The following RALYL variants were observed in gnomAD, a reference collection of about 807,000 sequenced individuals.
RALYL encodes the protein RNA-binding Raly-like protein.
Under a neutral mutation model 35.1 loss-of-function variants are expected in RALYL, and 29 were observed. The ratio of observed to expected loss-of-function variants is 0.83; its 90% CI spans 0.61 to 1.13. RALYL has a LOEUF of 1.13. Ranked by LOEUF, RALYL falls within the 50% of genes most tolerant of loss-of-function variation. The pLI is 0.00. For synonymous variants in RALYL, 120 were observed against 127.6 expected, an observed-to-expected ratio of 0.94 and a Z score of 0.40; for missense variants, 359 against 360.4, an observed-to-expected ratio of 1.00 and a Z score of 0.03.
At chr8:84,697,363 G>T (rs1272073240) in intron 2 of RALYL, among the ~76,000 whole-genome samples, 1 of 151,862 alleles carries the variant, frequency 6.6e-6, no homozygotes. Flanking sequence ...AAAATTGTTT[G>T]GTTATGTGTG....
intron 6 of RALYL, among the ~76,000 whole-genome samples, chr8:84,866,967 G>A (rs1423797972): frequency 6.6e-6 from 1 of 152,146 alleles, no homozygotes; most frequent in South Asian, 2.1e-4. Context: ...GGCGAGGGCT[G>A]CCATAACAAA....
chr8:84,914,624 C>T (rs1426820445), intron 8 of RALYL, among the ~76,000 whole-genome samples: 2 of 151,878 alleles, frequency 1.3e-5, no homozygotes, highest in South Asian at 2.1e-4. Context: ...ATGTAACTCA[C>T]GATAATTTTA....
intron 2 of RALYL, among the ~76,000 whole-genome samples, chr8:84,547,429 T>G (rs1588113982): frequency 6.6e-6 from 1 of 152,024 alleles, no homozygotes; most frequent in East Asian, 1.9e-4. Context: ...CAGGCTGGAG[T>G]GCAGTGATGC....
chr8:84,512,080 A>G (rs711041), intron 1 of RALYL, among the ~76,000 whole-genome samples: 82,800 of 151,908 alleles, frequency 0.55, 22,699 homozygotes, highest in East Asian at 0.66. Context: ...GCTGGATCAT[A>G]TGGTCATTCT....
At chr8:84,733,444 A>G (rs1846620157) in intron 2 of RALYL, among the ~76,000 whole-genome samples, 1 of 152,178 alleles carries the variant, frequency 6.6e-6, no homozygotes, top group Non-Finnish European at 1.5e-5. Flanking sequence ...TACCTCATCA[A>G]GGAGAGTTGG....
chr8:84,474,731 A>G (rs1473373129), intron 1 of RALYL, among the ~76,000 whole-genome samples: 1 of 152,208 alleles, frequency 6.6e-6, no homozygotes, highest in Non-Finnish European at 1.5e-5. Context: ...TTTTCTGCTA[A>G]GAAACTTGGA....
At chr8:84,305,684 C>G (rs1466382688) in intron 1 of RALYL, among the ~76,000 whole-genome samples, 1 of 152,074 alleles carries the variant, frequency 6.6e-6, no homozygotes, top group Non-Finnish European at 1.5e-5. Context: ...GGTCTCATCC[C>G]CTATCTTCCC....
At chr8:84,319,764 C>A (rs1291617449) in intron 1 of RALYL, among the ~76,000 whole-genome samples, 1 of 152,030 alleles carries the variant, frequency 6.6e-6, no homozygotes, top group African/African-American at 2.4e-5. Flanking sequence ...GAAAGCAATA[C>A]TTTTTCTCTC....
At chr8:84,397,475 G>A (rs950257115) in intron 1 of RALYL, among the ~76,000 whole-genome samples, 1 of 152,114 alleles carries the variant, frequency 6.6e-6, no homozygotes, top group African/African-American at 2.4e-5. Flanking sequence ...TTAGCTATTA[G>A]AGCAGAGTGT....
intron 4 of RALYL, among the ~76,000 whole-genome samples, chr8:84,836,783 G>C (rs1046381464): frequency 2.6e-4 from 40 of 152,230 alleles, no homozygotes; most frequent in African/African-American, 9.4e-4. Context: ...CCTTATCCAC[G>C]GGGAAGTATG....
chr8:84,802,098 T>G (rs1361624263), intron 3 of RALYL, among the ~76,000 whole-genome samples: 1 of 152,206 alleles, frequency 6.6e-6, no homozygotes, highest in Non-Finnish European at 1.5e-5. Context: ...ACATGCAGTC[T>G]GCTCTGCCAC....
At chr8:84,210,569 C>A (rs542324105) in intron 1 of RALYL, among the ~76,000 whole-genome samples, 3 of 152,078 alleles carry the variant, frequency 2.0e-5, no homozygotes, top group African/African-American at 7.2e-5. Flanking sequence ...AAGTATAAAT[C>A]GCCTGCTCTT....
intron 1 of RALYL, among the ~76,000 whole-genome samples, chr8:84,232,653 A>G (rs1343779449): frequency 6.6e-6 from 1 of 152,166 alleles, no homozygotes; most frequent in Non-Finnish European, 1.5e-5. Flanking sequence ...CTGACTAACT[A>G]GATTTAGTCA....
intron 2 of RALYL, among the ~76,000 whole-genome samples, chr8:84,563,044 A>G (rs2061564219): frequency 6.6e-6 from 1 of 151,884 alleles, no homozygotes; most frequent in South Asian, 2.1e-4. Context: ...TCCTAGGAGT[A>G]CCTGATGACC....
At chr8:84,578,645 A>C (rs1325757710) in intron 2 of RALYL, among the ~76,000 whole-genome samples, 1 of 152,080 alleles carries the variant, frequency 6.6e-6, no homozygotes, top group Non-Finnish European at 1.5e-5. Context: ...AGGAGACCCA[A>C]AGTGGGTAGC....
At chr8:84,818,112 G>A (rs1827769980) in intron 4 of RALYL, among the ~76,000 whole-genome samples, 1 of 152,002 alleles carries the variant, frequency 6.6e-6, no homozygotes, top group South Asian at 2.1e-4. Context: ...GCCTTACTAG[G>A]GAAGATCACT....
chr8:84,899,698 A>G (rs1845345752), intron 8 of RALYL, among the ~76,000 whole-genome samples: 1 of 152,188 alleles, frequency 6.6e-6, no homozygotes, highest in South Asian at 2.1e-4. Flanking sequence ...AAGTCAACAC[A>G]GCAGTATTGA....
chr8:84,280,207 G>A (rs1332712656), intron 1 of RALYL, among the ~76,000 whole-genome samples: 5 of 152,118 alleles, frequency 3.3e-5, no homozygotes, highest in Non-Finnish European at 7.4e-5. Context: ...TGAATATACA[G>A]TGGTATATTT....
At chr8:84,842,206 T>C (rs1833556711) in intron 4 of RALYL, among the ~76,000 whole-genome samples, 1 of 151,986 alleles carries the variant, frequency 6.6e-6, no homozygotes, top group Non-Finnish European at 1.5e-5. Flanking sequence ...ATCAACAAAA[T>C]TGATAGACTG....
Sources: allele counts gnomAD v4.1 joint callset (sites outside exome capture counted in the v4.1 genomes callset), GRCh38; gene constraint gnomAD v4.1.1; transcripts MANE v1.5; gene names NCBI Gene and HGNC (gene_info 2026-07-23, HGNC 2026-07-21).